Variants in TNRC6B observed in about 807,000 individuals in gnomAD.
The protein encoded by TNRC6B is trinucleotide repeat-containing gene 6B protein.
In TNRC6B, 52 loss-of-function variants were observed where a neutral mutation model predicts 203.6. The observed-to-expected ratio is 0.26, with a 90% CI of 0.20 to 0.32. TNRC6B has a LOEUF of 0.32. Ranked by LOEUF, TNRC6B falls within the 10% of genes least tolerant of loss-of-function variation. The probability of loss-of-function intolerance (pLI) is 1.00; values close to 1 mark genes in which losing one functional copy is unlikely to be tolerated. For missense variants in TNRC6B, 1,923 were observed against 2,286.2 expected, an observed-to-expected ratio of 0.84 and a Z score of 3.24; for synonymous variants, 838 against 845.7, an observed-to-expected ratio of 0.99 and a Z score of 0.16.
At chr22:40,106,674 T>G in intron 1 of TNRC6B, 1 of 755,136 alleles carries the variant, frequency 1.3e-6, no homozygotes, top group Non-Finnish European at 2.4e-6. Context: ...CTCAGCATGT[T>G]AATTGAAGCC....
At chr22:40,101,054 A>G (rs1418721993) in intron 1 of TNRC6B, among the ~76,000 whole-genome samples, 1 of 150,612 alleles carries the variant, frequency 6.6e-6, no homozygotes, top group Admixed American at 6.6e-5. Context: ...GTGCAGTGGC[A>G]TGATCTCGGC....
At chr22:40,133,258 GC>G (rs1473643391) in intron 3 of TNRC6B, among the ~76,000 whole-genome samples, 1 of 151,884 alleles carries the variant, frequency 6.6e-6, no homozygotes, top group Non-Finnish European at 1.5e-5. Context: ...ACTGACACAT[GC>G]TGAACTAAGC....
chr22:40,171,021 CATATACACCTATATAGGTGTATATAT>C (rs2068990174), intron 4 of TNRC6B, among the ~76,000 whole-genome samples: 2 of 114,774 alleles, frequency 1.7e-5, no homozygotes, highest in Admixed American at 8.8e-5. Context: ...CTATATATGA[CATATACACCTATATAGGTGTATATAT>C]ATATACACAT....
intron 1 of TNRC6B, among the ~76,000 whole-genome samples, chr22:40,241,110 TTTG>T (rs1397110984): frequency 2.0e-5 from 3 of 152,208 alleles, no homozygotes. Flanking sequence ...TAGTTTTGTG[TTTG>T]TTGTTTATAT....
chr22:40,139,822 A>G (rs1454700982), intron 3 of TNRC6B, among the ~76,000 whole-genome samples: 1 of 152,188 alleles, frequency 6.6e-6, no homozygotes, highest in Non-Finnish European at 1.5e-5. Context: ...GCTGGGTCAT[A>G]TGGTTTAACT....
chr22:40,167,476 G>A, intron 4 of TNRC6B, among the ~76,000 whole-genome samples: 1 of 152,106 alleles, frequency 6.6e-6, no homozygotes, highest in Non-Finnish European at 1.5e-5. Context: ...TTTCAGATGT[G>A]CAAGATGAAA....
At chr22:40,133,694 C>T (rs1157601888) in intron 3 of TNRC6B, among the ~76,000 whole-genome samples, 1 of 151,996 alleles carries the variant, frequency 6.6e-6, no homozygotes, top group Non-Finnish European at 1.5e-5. Context: ...ATGTGCCGGG[C>T]ACGGTGGCTC....
At chr22:40,167,513 G>C (rs182569015) in intron 4 of TNRC6B, among the ~76,000 whole-genome samples, 1 of 152,066 alleles carries the variant, frequency 6.6e-6, no homozygotes, top group African/African-American at 2.4e-5. Flanking sequence ...TTGCACAGCA[G>C]AGTGAATATA....
intron 7 of TNRC6B, 195 bp from the exon 8 acceptor site, chr22:40,276,882 A>G (rs2070651954): frequency 2.5e-6 from 1 of 393,350 alleles, no homozygotes; most frequent in Admixed American, 4.5e-5. Context: ...GGTGAATTTT[A>G]TAAAAATGAA....
rs56246561 is a variant in TNRC6B at position 40,136,371 on chromosome 22, T to TTGTGTGTGTGTGTGTG, written c.45+10525_45+10540dup. Among the ~76,000 whole-genome samples the TTGTGTGTGTGTGTGTG allele has an allele frequency of 4.3e-3, 608 of 141,150 alleles. 4 individuals are homozygous for TTGTGTGTGTGTGTGTG. Among genetic ancestry groups the TTGTGTGTGTGTGTGTG allele is most frequent in the South Asian group, 0.014 (61 of 4,312 alleles). The allele number at this position is 141,150 out of a possible 152,430, so 92.6% of individuals were successfully genotyped here. On this transcript the variant is annotated intron_variant, in intron 3 of 23. Transcript: ENST00000301923. ...CTCTGTACCTTTGTGTATGTTTATCTTGTGTGTGTGTGTGTGTGTGTGTGT... is the reference window on the plus strand; with the variant it reads ...CTCTGTACCTTTGTGTATGTTTATCTTGTGTGTGTGTGTGTGTGTGTGTGTGTGTGTGTGTGTGTGT...
chr22:40,275,973 G>A (rs1421519921), intron 7 of TNRC6B, among the ~76,000 whole-genome samples: 14 of 148,444 alleles, frequency 9.4e-5, no homozygotes, highest in African/African-American at 1.2e-4. Flanking sequence ...AAAAAAAACC[G>A]CCCCCCACAC....
Position 40,228,212 on chromosome 22 carries a change from G to A in TNRC6B, c.6-17803G>A, listed in dbSNP as rs184537074. On this transcript the variant is annotated intron_variant, in intron 1 of 22. Coordinates refer to ENST00000454349, the MANE Select transcript of TNRC6B (RefSeq NM_001162501.2). The stretch of plus-strand genomic sequence containing the variant: ...GGAGGCCGAGGCAGGCGGATCGCCT[G>A]ATGTTAGGAGATTGAGACCAGCCTG... Among the ~76,000 whole-genome samples, 550 of 152,156 alleles carry A rather than the reference G, an allele frequency of 3.6e-3. 3 individuals carry two copies. Among genetic ancestry groups the A allele is most frequent in the Middle Eastern group, 0.014 (4 of 294 alleles).
Position 40,310,814 on chromosome 22 carries a change from C to T in TNRC6B, c.4259-3C>T, listed in dbSNP as rs781139439. ...GATGATTTAATTTCCTCTCTTTTCT[C>T]AGGCGCTATAGTGGCCCCTGGTAAA... On this transcript the variant is annotated splice_region_variant and splice_polypyrimidine_tract_variant and intron_variant, in intron 16 of 22. Coordinates refer to ENST00000454349, the MANE Select transcript of TNRC6B (RefSeq NM_001162501.2). 2 of 1,602,952 alleles carry T rather than the reference C, an allele frequency of 1.2e-6. No individual in the cohort carries two copies. Among genetic ancestry groups the T allele is most frequent in the Non-Finnish European group, 8.5e-7 (1 of 1,175,196 alleles).
chr22:40,055,807 A>G (rs2067789740), intron 1 of TNRC6B, among the ~76,000 whole-genome samples: 1 of 152,174 alleles, frequency 6.6e-6, no homozygotes, highest in Non-Finnish European at 1.5e-5. Flanking sequence ...ACCATCTCAA[A>G]TGGATCAGAC....
rs532628618 is a variant in TNRC6B at position 40,239,914 on chromosome 22, T to G, written c.6-6101T>G. 2.2e-3 allele frequency among the ~76,000 whole-genome samples: 328 copies of G among 152,252 alleles called. 1 individual carries two copies. The highest frequency in any genetic ancestry group is 3.2e-3 in the Non-Finnish European group (219 of 68,010). ...GTGCAGTGGCGCGATCTCAGCTCAC[T>G]GCAACTTCTGCCTCCCAGGTTCAAA... is the stretch of plus-strand genomic sequence containing the variant. On this transcript the variant is annotated intron_variant, in intron 1 of 22. Transcript: ENST00000454349.
rs529496807 is a variant in TNRC6B at position 40,073,855 on chromosome 22, C to G, written c.-121+28857C>G. On this transcript the variant is annotated intron_variant, in intron 1 of 23. Transcript: ENST00000301923. ...GGCAGATCACCTGATGTCAGGAGTT[C>G]GAGACCAACCTGGCCAACATAGCGA... Among the ~76,000 whole-genome samples the G allele has an allele frequency of 2.0e-5, 3 of 152,050 alleles. No individual in the cohort carries two copies. The East Asian group carries it at 5.8e-4, about 30-fold the overall frequency.
chr22:40,232,331 G>A (rs944317840), intron 1 of TNRC6B, among the ~76,000 whole-genome samples: 1 of 152,230 alleles, frequency 6.6e-6, no homozygotes, highest in African/African-American at 2.4e-5. Context: ...GATCCCAGTG[G>A]TAAGGGGATA....
chr22:40,170,521 T>A (rs1328236742), intron 4 of TNRC6B, among the ~76,000 whole-genome samples: 12 of 11,092 alleles, frequency 1.1e-3, no homozygotes, highest in African/African-American at 6.7e-3. Context: ...TATATATATA[T>A]TATATATATA....
At position 40,285,759 on chromosome 22, in the gene TNRC6B, A is replaced by T. The variant is rs757943868; in HGVS notation, c.3697A>T (p.Ile1233Phe). The T allele has an allele frequency of 6.2e-7, 1 of 1,613,562 alleles. No homozygotes were observed. Among genetic ancestry groups the T allele is most frequent in the Non-Finnish European group, 8.5e-7 (1 of 1,179,772 alleles). The change falls in exon 12 of 23, where the codon ATT (isoleucine) becomes TTT (phenylalanine). Residue 1233 changes from isoleucine (I) to phenylalanine (F), a missense_variant. By Grantham distance (21) the Ile-to-Phe change is conservative. This residue lies in a region of TNRC6B where 242 missense variants were observed against 399.5 expected (regional missense o/e 0.61). Transcript: ENST00000454349. ...SLRAQVPPQF[I>F]SPQVSASMLK... ...CCGGGCGCAAGTGCCTCCCCAGTTTATTTCCCCCCAGGTAAGCAATTTTAC... is the reference window on the plus strand; with the variant it reads ...CCGGGCGCAAGTGCCTCCCCAGTTTTTTTCCCCCCAGGTAAGCAATTTTAC...
Sources: gnomAD v4.1 joint callset for allele counts (sites outside exome capture counted in the v4.1 genomes callset) on GRCh38, gnomAD v4.1.1 for gene constraint, gnomAD v4.1.1 regional missense constraint, MANE v1.5 for transcripts, NCBI Gene and HGNC (gene_info 2026-07-23, HGNC 2026-07-21) for gene names.